PHC2: variants seen among roughly 807,000 people sequenced by gnomAD.
PHC2 encodes the protein polyhomeotic-like protein 2.
Under a neutral mutation model 87.4 loss-of-function variants are expected in PHC2, and 29 were observed. That is an observed-to-expected ratio of 0.33 (90% CI 0.25 to 0.45). The LOEUF (loss-of-function observed/expected upper bound fraction) is 0.45. PHC2 is among the 20% of genes least tolerant of loss of function. The pLI is 1.00. For synonymous variants in PHC2, 438 were observed against 461.7 expected, an observed-to-expected ratio of 0.95 and a Z score of 0.66; for missense variants, 857 against 1,136.7, an observed-to-expected ratio of 0.75 and a Z score of 3.54.
chr1:33,360,371 C>G lies in PHC2; in HGVS notation c.977-5118G>C, dbSNP rs1472532446. On this transcript the variant is annotated intron_variant, in intron 7 of 14. Coordinates refer to ENST00000683057, the MANE Select transcript of PHC2 (RefSeq NM_001385109.1). ...ATCTGCATCTCTGCCCCTACCCTGC[C>G]CTTGGCAGAGGATGGCAGGATAGCA... Among the ~76,000 whole-genome samples the G allele has an allele frequency of 2.0e-5, 3 of 152,254 alleles. No homozygotes were observed. The East Asian group carries it at 5.8e-4, about 29-fold the overall frequency.
chr1:33,366,123 A>ATTCT (rs1647434040), intron 7 of PHC2, among the ~76,000 whole-genome samples: 1 of 152,254 alleles, frequency 6.6e-6, no homozygotes, highest in African/African-American at 2.4e-5. Flanking sequence ...ATTGAGATAT[A>ATTCT]TTCTTGATGT....
intron 1 of PHC2, among the ~76,000 whole-genome samples, chr1:33,381,069 C>T (rs1016680940): frequency 2.0e-4 from 31 of 152,124 alleles, no homozygotes; most frequent in African/African-American, 7.0e-4. Flanking sequence ...TTGAGTCTCT[C>T]CTGTGAAATA....
rs1553185679 is a variant in PHC2 at position 33,356,273 on chromosome 1, A to ACG, written c.977-1021_977-1020insCG. On this transcript the variant is annotated intron_variant, in intron 7 of 14. Transcript: ENST00000683057. ...CTTATATATATATATATATATATAT[A>ACG]TATGTATATATATATATATATTTAT... is the stretch of plus-strand genomic sequence containing the variant. Among the ~76,000 whole-genome samples, 15 of 94,502 alleles carry ACG rather than the reference A, an allele frequency of 1.6e-4. 1 individual carries two copies. The highest frequency in any genetic ancestry group is 3.2e-4 in the Non-Finnish European group (14 of 44,416). The allele number at this position is 94,502 out of a possible 152,430, so 62.0% of individuals were successfully genotyped here.
intron 3 of PHC2, 101 bp downstream of exon 3, chr1:33,372,188 G>T: frequency 8.3e-7 from 1 of 1,199,330 alleles, no homozygotes; most frequent in East Asian, 2.5e-5. Context: ...TTGCAGGTAA[G>T]AGAAGGATGT....
chr1:33,425,531 T>C (rs1290776737), intron 1 of PHC2, among the ~76,000 whole-genome samples: 1 of 152,178 alleles, frequency 6.6e-6, no homozygotes, highest in Non-Finnish European at 1.5e-5. Flanking sequence ...ATGTGGTAAA[T>C]GCTATAATGA....
chr1:33,335,186 G>A, intron 9 of PHC2: 2 of 985,366 alleles, frequency 2.0e-6, no homozygotes, highest in Non-Finnish European at 2.4e-6. Flanking sequence ...CCACACGACA[G>A]TGAACTTCCT....
At chr1:33,421,956 A>G (rs1405373533) in intron 1 of PHC2, among the ~76,000 whole-genome samples, 1 of 152,182 alleles carries the variant, frequency 6.6e-6, no homozygotes, top group Non-Finnish European at 1.5e-5. Context: ...GGCCTCCACC[A>G]TAAAGTCCAA....
intron 1 of PHC2, among the ~76,000 whole-genome samples, chr1:33,396,752 A>G (rs899368939): frequency 6.6e-6 from 1 of 152,156 alleles, no homozygotes; most frequent in Admixed American, 6.6e-5. Context: ...CCCGTAACTG[A>G]TAAGAGCTGC....
At chr1:33,430,744 G>A (rs1650881057) in intron 1 of PHC2, among the ~76,000 whole-genome samples, 1 of 150,540 alleles carries the variant, frequency 6.6e-6, no homozygotes, top group South Asian at 2.1e-4. Flanking sequence ...CGGGACTGCG[G>A]GCTCCCAGCG....
At chr1:33,330,947 GA>G (rs1646480731) in intron 12 of PHC2, among the ~76,000 whole-genome samples, 1 of 152,212 alleles carries the variant, frequency 6.6e-6, no homozygotes, top group Non-Finnish European at 1.5e-5. Context: ...AGGTTCTCAG[GA>G]AATGGCAGTG....
At chr1:33,429,369 G>A (rs1055950622) in intron 1 of PHC2, among the ~76,000 whole-genome samples, 1 of 152,182 alleles carries the variant, frequency 6.6e-6, no homozygotes, top group Admixed American at 6.5e-5. Flanking sequence ...AGGAAAAAAA[G>A]CCATAGTTAC....
intron 1 of PHC2, among the ~76,000 whole-genome samples, chr1:33,393,606 GTC>G (rs1465116224): frequency 6.8e-6 from 1 of 147,178 alleles, no homozygotes; most frequent in East Asian, 2.0e-4. Flanking sequence ...TCAGGAGATA[GTC>G]TCCAAGCCTG....
At chr1:33,412,560 T>C (rs1188453549) in intron 1 of PHC2, among the ~76,000 whole-genome samples, 1 of 152,210 alleles carries the variant, frequency 6.6e-6, no homozygotes, top group Non-Finnish European at 1.5e-5. Context: ...CTGATTGCCC[T>C]AATAAAACCA....
chr1:33,374,740 T>A (rs1014132117), intron 2 of PHC2, among the ~76,000 whole-genome samples: 1 of 152,176 alleles, frequency 6.6e-6, no homozygotes, highest in South Asian at 2.1e-4. Context: ...AGAGGTTCAA[T>A]TTTTTTGTCT....
At chr1:33,413,621 A>G (rs1049272087) in intron 1 of PHC2, among the ~76,000 whole-genome samples, 3 of 152,244 alleles carry the variant, frequency 2.0e-5, no homozygotes, top group African/African-American at 4.8e-5. Context: ...GACAGTTGCA[A>G]ACACAGTCAG....
chr1:33,408,866 G>T (rs1448134080), intron 1 of PHC2, among the ~76,000 whole-genome samples: 4 of 152,140 alleles, frequency 2.6e-5, no homozygotes, highest in Admixed American at 6.5e-5. Context: ...CCATCCCAGG[G>T]CTTGAGAGCC....
chr1:33,350,600 G>A (rs757483981), intron 9 of PHC2, among the ~76,000 whole-genome samples: 2 of 152,252 alleles, frequency 1.3e-5, no homozygotes, highest in Non-Finnish European at 2.9e-5. Context: ...GCGCAGGAAG[G>A]TGCTGGACAC....
intron 1 of PHC2, among the ~76,000 whole-genome samples, chr1:33,399,573 G>A (rs1649433962): frequency 1.3e-5 from 2 of 152,150 alleles, no homozygotes; most frequent in African/African-American, 4.8e-5. Flanking sequence ...CTTAGCCTCT[G>A]GACATGTTTT....
chr1:33,423,516 A>C (rs960795495), intron 1 of PHC2, among the ~76,000 whole-genome samples: 3 of 152,220 alleles, frequency 2.0e-5, no homozygotes, highest in African/African-American at 7.2e-5. Flanking sequence ...ATGAACATCT[A>C]CTTTGGGGTA....
Sources: gnomAD v4.1 joint callset for allele counts (sites outside exome capture counted in the v4.1 genomes callset) on GRCh38, gnomAD v4.1.1 for gene constraint, MANE v1.5 for transcripts, NCBI Gene and HGNC (gene_info 2026-07-23, HGNC 2026-07-21) for gene names.